DCLK1: variants seen among roughly 807,000 people sequenced by gnomAD.
DCLK1 encodes doublecortin like kinase 1, also known as serine/threonine-protein kinase DCLK1.
Under a neutral mutation model 86.2 loss-of-function variants are expected in DCLK1, and 16 were observed. The ratio of observed to expected loss-of-function variants is 0.19; its 90% CI spans 0.13 to 0.28. The LOEUF (loss-of-function observed/expected upper bound fraction) is 0.28. DCLK1 is among the 10% of genes least tolerant of loss of function. The pLI, the probability that DCLK1 is intolerant of heterozygous loss-of-function variation, is 1.00. For missense variants in DCLK1, 590 were observed against 940.2 expected (o/e 0.63, Z 4.87); for synonymous variants, 369 against 370.5 (o/e 1.00, Z 0.05).
At chr13:35,958,273 C>CCAT (rs1878235116) in intron 3 of DCLK1, among the ~76,000 whole-genome samples, 4 of 5,154 alleles carry the variant, frequency 7.8e-4, no homozygotes, top group African/African-American at 1.1e-3. Flanking sequence ...ATAACCATTA[C>CCAT]CACCATCACT....
chr13:35,830,890 A>G (rs545986322), intron 8 of DCLK1, among the ~76,000 whole-genome samples: 1 of 152,330 alleles, frequency 6.6e-6, no homozygotes, highest in Admixed American at 6.5e-5. Flanking sequence ...CATGTTTGCC[A>G]TTTGATGCTC....
chr13:36,095,089 C>T (rs1231871317), intron 3 of DCLK1, among the ~76,000 whole-genome samples: 3 of 151,758 alleles, frequency 2.0e-5, no homozygotes, highest in South Asian at 2.1e-4. Flanking sequence ...TTGTCAAGAA[C>T]CAGAAATTTC....
At chr13:36,099,612 G>A (rs17789984) in intron 3 of DCLK1, among the ~76,000 whole-genome samples, 23,864 of 152,170 alleles carry the variant, frequency 0.16, 2,167 homozygotes, top group Non-Finnish European at 0.21. Flanking sequence ...ATGCTGAATC[G>A]ATGTTTCCGG....
chr13:35,777,094 T>G (rs1374840302), intron 16 of DCLK1, among the ~76,000 whole-genome samples: 1 of 152,312 alleles, frequency 6.6e-6, no homozygotes, highest in East Asian at 1.9e-4. Context: ...CCTACAGATT[T>G]CCCTACTCAG....
At chr13:36,057,586 T>C (rs958690997) in intron 3 of DCLK1, among the ~76,000 whole-genome samples, 2 of 152,210 alleles carry the variant, frequency 1.3e-5, no homozygotes, top group African/African-American at 4.8e-5. Flanking sequence ...AAAAGAGATC[T>C]GGGTCTTTGT....
intron 15 of DCLK1, among the ~76,000 whole-genome samples, chr13:35,795,718 C>T (rs533021644): frequency 9.9e-5 from 15 of 151,972 alleles, no homozygotes; most frequent in Admixed American, 2.0e-4. Context: ...GTCGGGAGTA[C>T]GAGACCAGCC....
intron 3 of DCLK1, among the ~76,000 whole-genome samples, chr13:36,020,169 G>T (rs2153150336): frequency 6.6e-6 from 1 of 152,184 alleles, no homozygotes. Flanking sequence ...CATGCTTCTT[G>T]TACAGCCTGC....
intron 11 of DCLK1, among the ~76,000 whole-genome samples, chr13:35,812,952 C>T (rs1202484133): frequency 6.6e-6 from 1 of 152,198 alleles, no homozygotes; most frequent in Non-Finnish European, 1.5e-5. Flanking sequence ...AACTTTGAGG[C>T]ATCACAGCTG....
chr13:35,999,870 G>A (rs9546063), intron 3 of DCLK1, among the ~76,000 whole-genome samples: 129,357 of 152,102 alleles, frequency 0.85, 55,102 homozygotes, highest in East Asian at 0.97. Context: ...TTGCTTACAA[G>A]ACTACTGACT....
intron 16 of DCLK1, among the ~76,000 whole-genome samples, chr13:35,781,283 G>C (rs1024310441): frequency 5.3e-5 from 8 of 152,146 alleles, no homozygotes; most frequent in Admixed American, 3.9e-4. Flanking sequence ...TTTTGTCCTA[G>C]TTCAGCTAAT....
chr13:35,819,634 A>G (rs533088120), intron 11 of DCLK1, among the ~76,000 whole-genome samples: 89 of 152,286 alleles, frequency 5.8e-4, no homozygotes, highest in Non-Finnish European at 9.4e-4. Flanking sequence ...TATGTATTTG[A>G]TAAGTTTCCC....
chr13:35,934,332 A>G (rs1163833773), intron 4 of DCLK1, among the ~76,000 whole-genome samples: 1 of 152,124 alleles, frequency 6.6e-6, no homozygotes, highest in Non-Finnish European at 1.5e-5. Flanking sequence ...ACTGGTACCA[A>G]TTTACTGTAT....
At chr13:36,118,893 G>A (rs1391246325) in intron 2 of DCLK1, among the ~76,000 whole-genome samples, 2 of 152,152 alleles carry the variant, frequency 1.3e-5, no homozygotes, top group African/African-American at 4.8e-5. Context: ...CCTTTTCATT[G>A]TATCTTCACA....
intron 15 of DCLK1, among the ~76,000 whole-genome samples, chr13:35,804,944 C>T (rs752500704): frequency 1.1e-4 from 17 of 152,202 alleles, no homozygotes; most frequent in Non-Finnish European, 2.1e-4. Context: ...TGCGTTTTAA[C>T]AGGCTCTCCA....
intron 5 of DCLK1, 147 bp downstream of exon 5, chr13:35,871,077 A>G: frequency 1.6e-6 from 1 of 618,880 alleles, no homozygotes; most frequent in South Asian, 2.9e-5. Context: ...ACTCCAGCAA[A>G]TCTGTTCAAC....
intron 6 of DCLK1, chr13:35,849,124 T>C (rs1870422000): frequency 1.0e-6 from 1 of 985,398 alleles, no homozygotes; most frequent in Non-Finnish European, 1.2e-6. Flanking sequence ...GGCTAAGTTT[T>C]CAAATGCTGT....
chr13:35,824,712 T>C (rs973663628), intron 10 of DCLK1, among the ~76,000 whole-genome samples: 2 of 152,156 alleles, frequency 1.3e-5, no homozygotes, highest in Non-Finnish European at 2.9e-5. Context: ...GTCGCTATTT[T>C]CTTTCTCTCT....
intron 3 of DCLK1, among the ~76,000 whole-genome samples, chr13:35,969,895 C>T (rs1222481087): frequency 6.6e-6 from 1 of 152,098 alleles, no homozygotes; most frequent in African/African-American, 2.4e-5. Flanking sequence ...ATAAAAGAGG[C>T]CCCAGAAGGC....
intron 13 of DCLK1, 121 bp from the exon 14 acceptor site, chr13:35,808,441 T>C (rs981034999): frequency 2.3e-6 from 2 of 860,612 alleles, no homozygotes; most frequent in African/African-American, 3.4e-5. Context: ...AATGTGTATT[T>C]TTAATCGATT....
Sources: gnomAD v4.1 joint callset for allele counts (sites outside exome capture counted in the v4.1 genomes callset) on GRCh38, gnomAD v4.1.1 for gene constraint, MANE v1.5 for transcripts, NCBI Gene and HGNC (gene_info 2026-07-23, HGNC 2026-07-21) for gene names.